NEDD4: variants seen among roughly 807,000 people sequenced by gnomAD.
NEDD4 encodes the protein E3 ubiquitin-protein ligase NEDD4.
In NEDD4, 99 loss-of-function variants were observed where a neutral mutation model predicts 144.9. The ratio of observed to expected loss-of-function variants is 0.68; its 90% CI spans 0.58 to 0.81. The LOEUF is 0.81. Ranked by LOEUF, NEDD4 falls within the 30% of genes least tolerant of loss-of-function variation. NEDD4 has a pLI of 0.00. For missense variants in NEDD4, 985 were observed against 1,065.9 expected (o/e 0.92, Z 1.06); for synonymous variants, 318 against 350.6 (o/e 0.91, Z 1.04).
At chr15:55,961,062 TG>T (rs1410164919) in intron 2 of NEDD4, among the ~76,000 whole-genome samples, 1 of 152,200 alleles carries the variant, frequency 6.6e-6, no homozygotes, top group Non-Finnish European at 1.5e-5. Context: ...TCCTAGAGAG[TG>T]GCTATCTGCT....
chr15:55,973,594 A>G (rs7172931), intron 1 of NEDD4, among the ~76,000 whole-genome samples: 22,219 of 152,154 alleles, frequency 0.15, 1,779 homozygotes, highest in East Asian at 0.32. Context: ...TGACTACAAC[A>G]GAATAACACT....
chr15:55,894,563 C>T (rs1050330357), intron 5 of NEDD4, among the ~76,000 whole-genome samples: 2 of 152,112 alleles, frequency 1.3e-5, no homozygotes, highest in African/African-American at 4.8e-5. Flanking sequence ...GCTTTTACCT[C>T]ACAGATTGGG....
At chr15:55,977,738 T>G (rs60169431) in intron 1 of NEDD4, among the ~76,000 whole-genome samples, 10 of 102,166 alleles carry the variant, frequency 9.8e-5, no homozygotes, top group East Asian at 5.0e-4. Flanking sequence ...TTTAATCTTG[T>G]TTTTTTTTTT....
chr15:55,907,880 C>T (rs2036150658), intron 5 of NEDD4, among the ~76,000 whole-genome samples: 1 of 152,064 alleles, frequency 6.6e-6, no homozygotes, highest in African/African-American at 2.4e-5. Flanking sequence ...ATCCAGACAC[C>T]CAGTTATACG....
At chr15:55,924,879 C>G (rs1595849651) in intron 4 of NEDD4, among the ~76,000 whole-genome samples, 180 bp from the exon 5 acceptor site, 1 of 152,078 alleles carries the variant, frequency 6.6e-6, no homozygotes, top group Non-Finnish European at 1.5e-5. Flanking sequence ...ACGAGCCTGG[C>G]CAACATGGTG....
At chr15:55,873,642 C>G (rs1389335009) in intron 6 of NEDD4, among the ~76,000 whole-genome samples, 4 of 152,064 alleles carry the variant, frequency 2.6e-5, no homozygotes, top group Non-Finnish European at 5.9e-5. Flanking sequence ...TCTTAGTTTT[C>G]TTCTGTGAGC....
At chr15:55,964,311 T>G (rs1178845228) in intron 2 of NEDD4, among the ~76,000 whole-genome samples, 4 of 150,770 alleles carry the variant, frequency 2.7e-5, no homozygotes, top group East Asian at 1.9e-4. Context: ...TGTTGTTGTT[T>G]TTCTCCAATC....
intron 9 of NEDD4, among the ~76,000 whole-genome samples, chr15:55,861,043 T>C (rs1197840693): frequency 1.3e-5 from 2 of 152,250 alleles, no homozygotes; most frequent in Admixed American, 6.5e-5. Context: ...TCTAGGATAA[T>C]GTCCAACACA....
chr15:55,940,639 C>A (rs1228137430), intron 4 of NEDD4, among the ~76,000 whole-genome samples: 1 of 151,864 alleles, frequency 6.6e-6, no homozygotes, highest in East Asian at 1.9e-4. Context: ...AATTGTCTCC[C>A]ATGTCAGCCT....
At chr15:55,895,542 C>T (rs1261726320) in intron 5 of NEDD4, among the ~76,000 whole-genome samples, 1 of 152,230 alleles carries the variant, frequency 6.6e-6, no homozygotes, top group South Asian at 2.1e-4. Context: ...CTGTGCCCAA[C>T]CTAATCTAGA....
At chr15:55,905,297 G>A in intron 5 of NEDD4, 1 of 455,540 alleles carries the variant, frequency 2.2e-6, no homozygotes, top group Non-Finnish European at 4.4e-6. Context: ...AAACATAACT[G>A]GCAATCATTA....
At chr15:55,883,528 G>A (rs1463346924) in intron 5 of NEDD4, among the ~76,000 whole-genome samples, 1 of 150,360 alleles carries the variant, frequency 6.7e-6, no homozygotes. Flanking sequence ...TAGGGCCTTG[G>A]AGCAAACAGA....
intron 12 of NEDD4, among the ~76,000 whole-genome samples, chr15:55,853,931 A>G (rs1013821961): frequency 6.6e-6 from 1 of 152,206 alleles, no homozygotes; most frequent in Non-Finnish European, 1.5e-5. Flanking sequence ...CAGAGGTTAC[A>G]GTGAGCTGAG....
chr15:55,858,630 G>T (rs1231274249), intron 11 of NEDD4, among the ~76,000 whole-genome samples: 1 of 152,134 alleles, frequency 6.6e-6, no homozygotes, highest in African/African-American at 2.4e-5. Flanking sequence ...GTCTTTGACT[G>T]ACCTGTCCCA....
intron 5 of NEDD4, among the ~76,000 whole-genome samples, chr15:55,874,724 A>G (rs1406091517): frequency 2.0e-5 from 3 of 152,220 alleles, no homozygotes; most frequent in Non-Finnish European, 1.5e-5. Context: ...CTGTAATCCC[A>G]GCACTTTGGG....
intron 6 of NEDD4, among the ~76,000 whole-genome samples, chr15:55,872,743 C>G (rs1290556326): frequency 6.6e-6 from 1 of 152,064 alleles, no homozygotes; most frequent in African/African-American, 2.4e-5. Flanking sequence ...AGCAGAAAAA[C>G]AGTATAGAGT....
At chr15:55,978,922 CA>C (rs61198421) in intron 1 of NEDD4, among the ~76,000 whole-genome samples, 78,776 of 128,652 alleles carry the variant, frequency 0.61, 22,543 homozygotes, top group African/African-American at 0.65. Flanking sequence ...CTTGACAACG[CA>C]AAAAAAAAAA....
At chr15:55,843,039 G>A (rs900221210) in intron 18 of NEDD4, among the ~76,000 whole-genome samples, 3 of 152,212 alleles carry the variant, frequency 2.0e-5, no homozygotes, top group African/African-American at 7.2e-5. Flanking sequence ...TCTCATGATA[G>A]TGAATGGGTC....
At chr15:55,968,806 G>A (rs1324834261) in intron 1 of NEDD4, among the ~76,000 whole-genome samples, 1 of 152,108 alleles carries the variant, frequency 6.6e-6, no homozygotes, top group Admixed American at 6.5e-5. Flanking sequence ...ATGTACACAA[G>A]GACTTAAGTA....
Sources: allele counts gnomAD v4.1 joint callset (sites outside exome capture counted in the v4.1 genomes callset), GRCh38; gene constraint gnomAD v4.1.1; transcripts MANE v1.5; gene names NCBI Gene and HGNC (gene_info 2026-07-23, HGNC 2026-07-21).